The following SPTAN1 variants were observed in gnomAD, a reference collection of about 807,000 sequenced individuals.
The protein encoded by SPTAN1 is spectrin alpha chain, non-erythrocytic 1.
SPTAN1 carries 61 observed loss-of-function variants against 331.3 expected under a neutral mutation model. The observed-to-expected ratio is 0.18, with a 90% CI of 0.15 to 0.23. The LOEUF is 0.23. SPTAN1 is among the 10% of genes least tolerant of loss of function. The pLI is 1.00. For missense variants in SPTAN1, 2,043 were observed against 3,147.9 expected (o/e 0.65, Z 8.40); for synonymous variants, 1,153 against 1,173.9 (o/e 0.98, Z 0.36).
At chr9:128,587,998 A>G (rs976145948) in intron 20 of SPTAN1, among the ~76,000 whole-genome samples, 1 of 144,532 alleles carries the variant, frequency 6.9e-6, no homozygotes, top group Non-Finnish European at 1.5e-5. Context: ...GGTGTTCACC[A>G]CCATGCCCAG....
intron 34 of SPTAN1, 54 bp downstream of exon 34, chr9:128,608,330 G>C: frequency 6.2e-7 from 1 of 1,610,580 alleles, no homozygotes; most frequent in African/African-American, 1.3e-5. Context: ...ATTGACATCT[G>C]TTTCTTGGCT....
rs755756880 is a variant in SPTAN1, at chr9:128,582,578, G to C, written c.1650+22G>C. The C allele has an allele frequency of 3.7e-6, 6 of 1,612,920 alleles. No individual in the cohort carries two copies. The South Asian group carries it at 5.5e-5, about 15-fold the overall frequency. On this transcript the variant is annotated intron_variant, in intron 13 of 56. Coordinates refer to ENST00000372739, the MANE Select transcript of SPTAN1 (RefSeq NM_001130438.3). ...TGCTGTAAGTTTGTAGGTTCTTCAT[G>C]CTCCTCCTTTTTGGTACATGAATGT...
chr9:128,563,380 A>G (rs1344907261), intron 1 of SPTAN1, among the ~76,000 whole-genome samples: 7 of 152,070 alleles, frequency 4.6e-5, no homozygotes, highest in Admixed American at 4.6e-4. Flanking sequence ...GTATCACTGC[A>G]CTCTAGCCTG....
chr9:128,579,801 C>A, intron 10 of SPTAN1, 63 bp downstream of exon 10: 2 of 1,301,570 alleles, frequency 1.5e-6, no homozygotes, highest in Non-Finnish European at 2.2e-6. Flanking sequence ...TCTCTGAAAG[C>A]TATTATTCAT....
chr9:128,562,746 C>T (rs1849520696), intron 1 of SPTAN1, among the ~76,000 whole-genome samples: 1 of 151,730 alleles, frequency 6.6e-6, no homozygotes, highest in East Asian at 1.9e-4. Context: ...GGGCGGATCA[C>T]GAGGTCAGGA....
chr9:128,629,849 T>C lies in SPTAN1; in HGVS notation c.6708-472T>C, dbSNP rs1859401659. On this transcript the variant is annotated intron_variant, in intron 51 of 56. Coordinates refer to ENST00000372739, the MANE Select transcript of SPTAN1 (RefSeq NM_001130438.3). The surrounding 1 kb of genome is among the most constrained non-coding windows in gnomAD (Gnocchi z 4.9). Reference sequence around the variant, plus strand: ...GGTCGTGCTCTCATTCCCCCTAGAATGGGGCTCCCTCCCTCAGGAACCTTG... The same window carrying C: ...GGTCGTGCTCTCATTCCCCCTAGAACGGGGCTCCCTCCCTCAGGAACCTTG... 9.3e-6 allele frequency: 3 copies of C among 321,246 alleles called. No homozygotes were observed. 19.9% of individuals were successfully genotyped at this position (321,246 alleles called of 1,614,324 possible).
chr9:128,614,248 A>C (rs1788372234), intron 40 of SPTAN1, among the ~76,000 whole-genome samples: 2 of 152,042 alleles, frequency 1.3e-5, no homozygotes, highest in Admixed American at 1.3e-4. Context: ...TGAGCCCAGG[A>C]GTTCAAGACC....
chr9:128,613,586 C>T lies in SPTAN1; in HGVS notation c.5148+101C>T, dbSNP rs548928580. 815 of 957,206 alleles carry T rather than the reference C, an allele frequency of 8.5e-4. 16 individuals are homozygous for T. In the South Asian group the frequency reaches 0.01, roughly 12 times the overall value. 59.3% of individuals were successfully genotyped at this position (957,206 alleles called of 1,614,324 possible). On this transcript the variant is annotated intron_variant, in intron 40 of 56. Transcript: ENST00000372739. ...TTTGAGAAAAGAGAGTGACTTCTTT[C>T]ACTTAAAGCAGCCATTCTCAAAGGT...
chr9:128,585,514 G>A (rs530216170), intron 18 of SPTAN1, among the ~76,000 whole-genome samples: 3 of 152,186 alleles, frequency 2.0e-5, no homozygotes, highest in East Asian at 3.9e-4. Flanking sequence ...GCCAACTTGC[G>A]ATATCTGCTT....
At chr9:128,594,000 C>A in intron 23 of SPTAN1, 175 bp from the exon 24 acceptor site, 2 of 685,324 alleles carry the variant, frequency 2.9e-6, no homozygotes, top group South Asian at 1.6e-5. Context: ...CAGGCTGTGG[C>A]GTGGGTACTT....
rs1413553922 is a variant in SPTAN1 at position 128,624,474 on chromosome 9, G to A, written c.5979G>A (p.Val1993=). The A allele has an allele frequency of 1.7e-5, 27 of 1,613,188 alleles. No homozygotes were observed. Among genetic ancestry groups the A allele is most frequent in the Non-Finnish European group, 2.3e-5 (27 of 1,180,032 alleles). Reference sequence around the variant, plus strand: ...AGTTCAACTGGAAGGCGGACGTGGTGGAGTCCTGGATCGGTGAGCACTGTC... The same window carrying A: ...AGTTCAACTGGAAGGCGGACGTGGTAGAGTCCTGGATCGGTGAGCACTGTC... The part of the protein sequence containing the change: ...FLQFNWKADV[V]ESWIGEKENS... The change falls in exon 46 of 57, where the codon GTG becomes GTA. Residue 1993 remains valine, a synonymous_variant. Transcript: ENST00000372739.
At position 128,577,626 on chromosome 9, in the gene SPTAN1, C is replaced by T. The variant is rs750100416; in HGVS notation, c.1085+120C>T. 5.3e-6 allele frequency: 7 copies of T among 1,312,392 alleles called. No homozygotes were observed. In the African/African-American group the frequency reaches 1.0e-4, roughly 19 times the overall value. The allele number at this position is 1,312,392 out of a possible 1,614,324, so 81.3% of individuals were successfully genotyped here. On this transcript the variant is annotated intron_variant, in intron 8 of 56. Coordinates refer to ENST00000372739, the MANE Select transcript of SPTAN1 (RefSeq NM_001130438.3). The surrounding 1 kb of genome is among the most constrained non-coding windows in gnomAD (Gnocchi z 4.2). ...AAGTGTCAGGTATCACCTACAAATG[C>T]AAATCACTTCTTACCTATGTTCTCT...
At position 128,608,061 on chromosome 9, in the gene SPTAN1, C is replaced by T. The variant is rs1314582102; in HGVS notation, c.4344+12C>T. 5 of 1,614,102 alleles carry T rather than the reference C, an allele frequency of 3.1e-6. No individual in the cohort carries two copies. The highest frequency in any genetic ancestry group is 3.3e-4 in the Middle Eastern group (2 of 6,062). On this transcript the variant is annotated intron_variant, in intron 33 of 56. Coordinates refer to ENST00000372739, the MANE Select transcript of SPTAN1 (RefSeq NM_001130438.3). ...GCCTTGAACTGCAGGTGTGTGTGCT[C>T]CTGGTTTCTGACCAAGTGTTTCCTT... is the stretch of plus-strand genomic sequence containing the variant.
At position 128,613,419 on chromosome 9, in the gene SPTAN1, C is replaced by G. The variant is rs1856785876; in HGVS notation, c.5082C>G (p.Asp1694Glu). The change falls in exon 40 of 57, where the codon GAC (aspartate) becomes GAG (glutamate). Residue 1694 changes from aspartate (D) to glutamate (E), a missense_variant. Asp to Glu is a conservative substitution (Grantham distance 45, BLOSUM62 2). This residue lies in a region of SPTAN1 where 323 missense variants were observed against 581.1 expected (regional missense o/e 0.56). Transcript: ENST00000372739. Reference protein sequence around the residue: ...ALLASEDYGKDLASVNNLLKK... With the variant: ...ALLASEDYGKELASVNNLLKK... ...TGGCATCCGAAGATTATGGCAAAGA[C>G]CTAGCTTCTGTGAACAACCTGCTGA... 1 of 1,614,136 alleles carries G rather than the reference C, an allele frequency of 6.2e-7. No individual in the cohort carries two copies. Among genetic ancestry groups the G allele is most frequent in the Non-Finnish European group, 8.5e-7 (1 of 1,180,056 alleles).
intron 21 of SPTAN1, among the ~76,000 whole-genome samples, chr9:128,589,612 G>T (rs1254141144): frequency 3.5e-5 from 4 of 114,510 alleles, no homozygotes; most frequent in Non-Finnish European, 5.1e-5. Flanking sequence ...GTCTTGCTCT[G>T]TCGTCCAGGT....
intron 4 of SPTAN1, 114 bp from the exon 5 acceptor site, chr9:128,575,085 G>A: frequency 6.9e-7 from 1 of 1,452,256 alleles, no homozygotes; most frequent in Non-Finnish European, 9.7e-7. Flanking sequence ...AGACAAAACT[G>A]TATCCATTAA....
At position 128,585,831 on chromosome 9, in the gene SPTAN1, C is replaced by T. The variant is rs149528201; in HGVS notation, c.2644C>T (p.Arg882Cys). 3 of 1,614,048 alleles carry T rather than the reference C, an allele frequency of 1.9e-6. No individual in the cohort carries two copies. Among genetic ancestry groups the T allele is most frequent in the Non-Finnish European group, 2.5e-6 (3 of 1,180,028 alleles). The part of the protein sequence containing the change: ...WEALKAKASQ[R>C]RQDLEDSLQA... ...GGCACTGAAAGCCAAAGCTTCCCAG[C>T]GTCGGCAGGACCTGGAGGACTCTCT... The change falls in exon 19 of 57, where the codon CGT (arginine) becomes TGT (cysteine). Residue 882 changes from arginine to cysteine, a missense_variant. By Grantham distance (180) the Arg-to-Cys change is radical. Transcript: ENST00000372739.
intron 24 of SPTAN1, 75 bp downstream of exon 24, chr9:128,594,448 T>TTTTC: frequency 7.1e-7 from 1 of 1,406,834 alleles, no homozygotes; most frequent in Non-Finnish European, 9.7e-7. Flanking sequence ...TTTTTTTTTT[T>TTTTC]TTGAGATGGA....
In SPTAN1 at chr9:128,629,858, C is replaced by A; in HGVS notation, c.6708-463C>A. ...CTCATTCCCCCTAGAATGGGGCTCC[C>A]TCCCTCAGGAACCTTGCCGGGACAC... On this transcript the variant is annotated intron_variant, in intron 51 of 56. Coordinates refer to ENST00000372739, the MANE Select transcript of SPTAN1 (RefSeq NM_001130438.3). The surrounding 1 kb of genome is among the most constrained non-coding windows in gnomAD (Gnocchi z 4.9). 1 of 323,104 alleles carries A rather than the reference C, an allele frequency of 3.1e-6. No homozygotes were observed. The allele number at this position is 323,104 out of a possible 1,614,324, so 20.0% of individuals were successfully genotyped here.
Sources: allele counts gnomAD v4.1 joint callset (sites outside exome capture counted in the v4.1 genomes callset), GRCh38; gene constraint gnomAD v4.1.1; regional missense constraint gnomAD v4.1.1; non-coding constraint Gnocchi (gnomAD v3.1); transcripts MANE v1.5; gene names NCBI Gene and HGNC (gene_info 2026-07-23, HGNC 2026-07-21).